Variants in CLSTN2 observed in about 807,000 individuals in gnomAD.
CLSTN2 encodes the protein calsyntenin-2.
CLSTN2 carries 48 observed loss-of-function variants against 101.2 expected under a neutral mutation model. The observed-to-expected ratio is 0.47, with a 90% CI of 0.38 to 0.60. CLSTN2 has a LOEUF of 0.60. Among genes scored for constraint, CLSTN2 ranks in the 20% least tolerant of loss-of-function variants. CLSTN2 has a pLI of 0.00. For synonymous variants in CLSTN2, 481 were observed against 463.6 expected, an observed-to-expected ratio of 1.04 and a Z score of -0.48; for missense variants, 1,160 against 1,238.2, an observed-to-expected ratio of 0.94 and a Z score of 0.95.
chr3:139,936,977 A>G (rs1935033241), intron 1 of CLSTN2, among the ~76,000 whole-genome samples: 1 of 152,172 alleles, frequency 6.6e-6, no homozygotes, highest in South Asian at 2.1e-4. Context: ...AGTGGCTGAT[A>G]TGAAGGGATC....
At chr3:139,951,421 G>T (rs1224841094) in intron 1 of CLSTN2, among the ~76,000 whole-genome samples, 1 of 152,208 alleles carries the variant, frequency 6.6e-6, no homozygotes, top group Non-Finnish European at 1.5e-5. Context: ...CCTGGTGGGG[G>T]ATGCTGGAAG....
At chr3:140,144,600 A>G (rs946160090) in intron 1 of CLSTN2, among the ~76,000 whole-genome samples, 1 of 152,030 alleles carries the variant, frequency 6.6e-6, no homozygotes, top group Admixed American at 6.6e-5. Context: ...TGGGCATCAG[A>G]GCGAGACTTC....
Position 140,025,426 on chromosome 3 carries a change from C to T in CLSTN2, c.109+89943C>T, listed in dbSNP as rs550897771. On this transcript the variant is annotated intron_variant, in intron 1 of 16. Coordinates refer to ENST00000458420, the MANE Select transcript of CLSTN2 (RefSeq NM_022131.3). ...CAGCTTGTCCAGCTTTGTGACCTTC[C>T]ACAAGTTGCTCATCCTGCCTGACCC... Among the ~76,000 whole-genome samples, 10 of 152,268 alleles carry T rather than the reference C, an allele frequency of 6.6e-5. No individual in the cohort carries two copies. In the South Asian group the frequency reaches 2.1e-3, roughly 32 times the overall value.
At chr3:140,145,634 G>A (rs901212013) in intron 1 of CLSTN2, among the ~76,000 whole-genome samples, 1 of 152,196 alleles carries the variant, frequency 6.6e-6, no homozygotes, top group African/African-American at 2.4e-5. Context: ...TTGTGCTTAA[G>A]CAGCACCTCT....
intron 1 of CLSTN2, among the ~76,000 whole-genome samples, chr3:140,155,534 T>C (rs920751138): frequency 2.0e-5 from 3 of 152,132 alleles, no homozygotes; most frequent in African/African-American, 7.2e-5. Context: ...TTATATCTGG[T>C]CAGGGGCTCA....
intron 1 of CLSTN2, among the ~76,000 whole-genome samples, chr3:139,988,247 C>A (rs17338318): frequency 3.3e-5 from 5 of 152,052 alleles, no homozygotes; most frequent in African/African-American, 4.8e-5. Context: ...TTGTTGGGCC[C>A]AATTAGACTT....
chr3:139,962,589 A>T (rs144545997), intron 1 of CLSTN2, among the ~76,000 whole-genome samples: 170 of 152,326 alleles, frequency 1.1e-3, no homozygotes, highest in African/African-American at 3.5e-3. Flanking sequence ...TTTTGTAATT[A>T]AAAAAAGTTC....
intron 8 of CLSTN2, among the ~76,000 whole-genome samples, chr3:140,494,921 C>CAT (rs1934432174): frequency 6.6e-6 from 1 of 152,134 alleles, no homozygotes. Flanking sequence ...CTGCAATGAA[C>CAT]ATATATGTGC....
chr3:140,051,262 A>G (rs1163976640), intron 1 of CLSTN2, among the ~76,000 whole-genome samples: 2 of 152,258 alleles, frequency 1.3e-5, no homozygotes, highest in Non-Finnish European at 2.9e-5. Flanking sequence ...GAAGCCATCA[A>G]TCTTGTGGGA....
At chr3:140,145,638 C>T (rs576215590) in intron 1 of CLSTN2, among the ~76,000 whole-genome samples, 5 of 152,244 alleles carry the variant, frequency 3.3e-5, no homozygotes, top group African/African-American at 1.2e-4. Flanking sequence ...GCTTAAGCAG[C>T]ACCTCTGCCC....
chr3:140,090,818 C>T (rs182203299), intron 1 of CLSTN2, among the ~76,000 whole-genome samples: 1 of 152,126 alleles, frequency 6.6e-6, no homozygotes, highest in African/African-American at 2.4e-5. Context: ...CAAGATAGAC[C>T]ATTAAAGGAG....
At chr3:140,040,126 C>T (rs4629291) in intron 1 of CLSTN2, among the ~76,000 whole-genome samples, 18,769 of 152,116 alleles carry the variant, frequency 0.12, 1,524 homozygotes, top group African/African-American at 0.22. Flanking sequence ...TGAATTCACC[C>T]AGTCTGATTC....
At chr3:140,438,431 TAAAAAAA>T (rs60186664) in intron 5 of CLSTN2, among the ~76,000 whole-genome samples, 3 of 45,678 alleles carry the variant, frequency 6.6e-5, no homozygotes, top group Non-Finnish European at 6.5e-5. Flanking sequence ...GTCCTTTCAT[TAAAAAAA>T]AAAAAAAAAA....
intron 1 of CLSTN2, among the ~76,000 whole-genome samples, chr3:140,083,383 T>C (rs905764982): frequency 6.6e-6 from 1 of 152,160 alleles, no homozygotes; most frequent in Non-Finnish European, 1.5e-5. Flanking sequence ...TCAAAGTAAA[T>C]GTCTAAAAAG....
intron 1 of CLSTN2, among the ~76,000 whole-genome samples, chr3:140,074,439 TAA>T (rs1253807387): frequency 6.6e-6 from 1 of 152,128 alleles, no homozygotes; most frequent in Non-Finnish European, 1.5e-5. Flanking sequence ...AGGAGGTGCT[TAA>T]TAAATGACTG....
chr3:139,951,010 C>T (rs1935286130), intron 1 of CLSTN2, among the ~76,000 whole-genome samples: 1 of 152,148 alleles, frequency 6.6e-6, no homozygotes. Flanking sequence ...TAAGACAAAG[C>T]ATTCTTTGGC....
intron 2 of CLSTN2, among the ~76,000 whole-genome samples, chr3:140,187,966 G>C (rs894346980): frequency 6.6e-6 from 1 of 152,084 alleles, no homozygotes; most frequent in African/African-American, 2.4e-5. Context: ...AGGAATCCTT[G>C]AGTAGCATTC....
chr3:139,939,607 G>A (rs1443773246), intron 1 of CLSTN2, among the ~76,000 whole-genome samples: 16 of 152,144 alleles, frequency 1.1e-4, no homozygotes, highest in Admixed American at 9.2e-4. Flanking sequence ...AACGGACCTT[G>A]CTCTCACCAT....
chr3:140,562,408 G>A (rs1935935768), intron 13 of CLSTN2, 100 bp downstream of exon 13: 20 of 1,178,082 alleles, frequency 1.7e-5, no homozygotes, highest in Non-Finnish European at 2.4e-5. Flanking sequence ...GGAGCACTGT[G>A]AAGCCCCAGG....
Sources: gnomAD v4.1 joint callset for allele counts (sites outside exome capture counted in the v4.1 genomes callset) on GRCh38, gnomAD v4.1.1 for gene constraint, MANE v1.5 for transcripts, NCBI Gene and HGNC (gene_info 2026-07-23, HGNC 2026-07-21) for gene names.